The following COL24A1 variants were observed in gnomAD, a reference collection of about 807,000 sequenced individuals.
COL24A1 encodes collagen alpha-1(XXIV) chain.
In COL24A1, 224 loss-of-function variants were observed where a neutral mutation model predicts 253.9. That is an observed-to-expected ratio of 0.88 (90% CI 0.79 to 0.99). COL24A1 has a LOEUF of 0.99. Ranked by LOEUF, COL24A1 falls within the 50% of genes least tolerant of loss-of-function variation. The pLI is 0.00. For synonymous variants in COL24A1, 685 were observed against 673.7 expected, an observed-to-expected ratio of 1.02 and a Z score of -0.26; for missense variants, 2,131 against 2,068.5, an observed-to-expected ratio of 1.03 and a Z score of -0.59.
chr1:86,012,453 G>A (rs890452048), intron 19 of COL24A1, among the ~76,000 whole-genome samples: 1 of 152,152 alleles, frequency 6.6e-6, no homozygotes, highest in Non-Finnish European at 1.5e-5. Flanking sequence ...GCCTGGTGTG[G>A]TGGCATGCGC....
At chr1:85,868,910 A>C in intron 35 of COL24A1, 75 bp from the exon 36 acceptor site, 1 of 1,054,426 alleles carries the variant, frequency 9.5e-7, no homozygotes, top group Middle Eastern at 3.1e-4. Context: ...TTTAGCCCAT[A>C]GTATATATGG....
chr1:86,003,597 AG>A (rs1045173973), intron 19 of COL24A1, among the ~76,000 whole-genome samples: 1 of 152,194 alleles, frequency 6.6e-6, no homozygotes, highest in Non-Finnish European at 1.5e-5. Context: ...ACAGCAAAAA[AG>A]GTACACTTAT....
chr1:86,156,181 C>T, intron 1 of COL24A1, 160 bp downstream of exon 1: 1 of 607,540 alleles, frequency 1.6e-6, no homozygotes, highest in Non-Finnish European at 3.0e-6. Context: ...ATTTTGCAAG[C>T]TGAGAAGACA....
intron 2 of COL24A1, among the ~76,000 whole-genome samples, chr1:86,143,062 G>C (rs1307152078): frequency 2.6e-5 from 4 of 152,152 alleles, no homozygotes; most frequent in Admixed American, 6.5e-5. Flanking sequence ...ATACTCACCT[G>C]AACTACCTGT....
intron 2 of COL24A1, among the ~76,000 whole-genome samples, chr1:86,137,648 C>CT: frequency 6.6e-6 from 1 of 152,106 alleles, no homozygotes; most frequent in East Asian, 1.9e-4. Context: ...ACGACTTGTT[C>CT]TTTTTTCTAT....
At chr1:85,774,254 C>G (rs533451167) in intron 53 of COL24A1, among the ~76,000 whole-genome samples, 6 of 152,242 alleles carry the variant, frequency 3.9e-5, no homozygotes, top group African/African-American at 1.4e-4. Context: ...TTTTGATGTA[C>G]TGCTGGATTT....
chr1:85,757,026 T>A (rs537980025), intron 55 of COL24A1, among the ~76,000 whole-genome samples: 1 of 152,146 alleles, frequency 6.6e-6, no homozygotes, highest in Non-Finnish European at 1.5e-5. Context: ...AGACAGAAAG[T>A]AGAACGGTGG....
intron 12 of COL24A1, among the ~76,000 whole-genome samples, chr1:86,044,569 A>T (rs1240896005): frequency 5.9e-5 from 9 of 152,350 alleles, no homozygotes; most frequent in African/African-American, 2.2e-4. Context: ...TAAAAGCAAT[A>T]AAACTTTGAA....
chr1:85,970,329 A>G, intron 21 of COL24A1, 58 bp from the exon 22 acceptor site: 1 of 1,414,098 alleles, frequency 7.1e-7, no homozygotes, highest in Non-Finnish European at 9.7e-7. Context: ...TTAAAAATGT[A>G]AACTCTTATT....
At position 86,125,078 on chromosome 1, in the gene COL24A1, C is replaced by G. The variant is rs765914443; in HGVS notation, c.1258G>C (p.Glu420Gln). ...AAAATTGGTTGCATTTCCATGAGTT[C>G]GTTAGTGTGTAGATTTGCTGTGATA... ...KAITANLHTN[E>Q]LMEMQPILNT... is the part of the protein sequence containing the mutation. The change falls in exon 3 of 60, where the codon GAA (glutamate) becomes CAA (glutamine). Residue 420 changes from glutamate to glutamine, a missense_variant. Transcript: ENST00000370571. 3.3e-5 allele frequency: 53 copies of G among 1,612,788 alleles called. No homozygotes were observed. Among genetic ancestry groups the G allele is most frequent in the Non-Finnish European group, 4.5e-5 (53 of 1,179,540 alleles).
At chr1:86,085,582 A>T (rs1335498170) in intron 7 of COL24A1, among the ~76,000 whole-genome samples, 1 of 152,202 alleles carries the variant, frequency 6.6e-6, no homozygotes, top group Non-Finnish European at 1.5e-5. Context: ...TAATATAGCA[A>T]CTGATTGGCT....
Position 86,038,943 on chromosome 1 carries a change from C to T in COL24A1, c.1951-5020G>A, listed in dbSNP as rs1699243207. Among the ~76,000 whole-genome samples the T allele has an allele frequency of 2.0e-5, 3 of 152,254 alleles. 1 individual carries two copies. Among genetic ancestry groups the T allele is most frequent in the South Asian group, 4.1e-4 (2 of 4,820 alleles). ...TTAGAACCACCCAACTATGCCACTA[C>T]CAAATTCCTGACCCACAGAAACTAT... On this transcript the variant is annotated intron_variant, in intron 12 of 59. Transcript: ENST00000370571.
intron 11 of COL24A1, 61 bp from the exon 12 acceptor site, chr1:86,046,930 C>T: frequency 1.1e-6 from 1 of 926,298 alleles, no homozygotes; most frequent in South Asian, 1.3e-5. Flanking sequence ...TACTATAGAT[C>T]TTTTTCTCCC....
chr1:85,746,819 C>T (rs1557974634), intron 55 of COL24A1, among the ~76,000 whole-genome samples: 2 of 152,106 alleles, frequency 1.3e-5, no homozygotes, highest in Admixed American at 1.3e-4. Context: ...ATATTCTCTG[C>T]AGATTAAATA....
At chr1:85,791,183 G>A (rs1217392340) in intron 47 of COL24A1, among the ~76,000 whole-genome samples, 2 of 152,020 alleles carry the variant, frequency 1.3e-5, no homozygotes, top group Non-Finnish European at 2.9e-5. Context: ...CTCCCTACCA[G>A]CACGGCCTGT....
chr1:86,087,746 G>T (rs957647264), intron 7 of COL24A1, among the ~76,000 whole-genome samples: 1 of 152,168 alleles, frequency 6.6e-6, no homozygotes, highest in Admixed American at 6.5e-5. Flanking sequence ...TGAGTAGTCA[G>T]ATGTATACTC....
At chr1:85,902,009 A>G (rs1684362883) in intron 28 of COL24A1, among the ~76,000 whole-genome samples, 1 of 152,158 alleles carries the variant, frequency 6.6e-6, no homozygotes, top group Non-Finnish European at 1.5e-5. Context: ...AAATGGATAA[A>G]TAAAGTGTGG....
intron 40 of COL24A1, 55 bp downstream of exon 40, chr1:85,842,285 A>G: frequency 7.2e-7 from 1 of 1,397,146 alleles, no homozygotes; most frequent in Non-Finnish European, 1.0e-6. Flanking sequence ...TTGGGATATC[A>G]TCTTTAATAA....
At chr1:85,739,514 T>G (rs1348498062) in intron 57 of COL24A1, among the ~76,000 whole-genome samples, 1 of 152,232 alleles carries the variant, frequency 6.6e-6, no homozygotes, top group Non-Finnish European at 1.5e-5. Flanking sequence ...AAGGCATCTT[T>G]CTTGCTCTTT....
Sources: allele counts gnomAD v4.1 joint callset (sites outside exome capture counted in the v4.1 genomes callset), GRCh38; gene constraint gnomAD v4.1.1; transcripts MANE v1.5; gene names NCBI Gene and HGNC (gene_info 2026-07-23, HGNC 2026-07-21).